The following PANK3 variants were observed in gnomAD, a reference collection of about 807,000 sequenced individuals.
The protein encoded by PANK3 is hPanK3.
Under a neutral mutation model 39.4 loss-of-function variants are expected in PANK3, and 20 were observed. That is an observed-to-expected ratio of 0.51 (90% CI 0.36 to 0.74). PANK3 has a LOEUF of 0.74. PANK3 is among the 30% of genes least tolerant of loss of function. The probability of loss-of-function intolerance (pLI) is 0.00; values close to 1 mark genes in which losing one functional copy is unlikely to be tolerated. For synonymous variants in PANK3, 140 were observed against 157.3 expected, an observed-to-expected ratio of 0.89 and a Z score of 0.82; for missense variants, 265 against 437.0, an observed-to-expected ratio of 0.61 and a Z score of 3.51.
chr5:168,573,892 T>C (rs530322154), intron 1 of PANK3, among the ~76,000 whole-genome samples: 4 of 152,294 alleles, frequency 2.6e-5, no homozygotes, highest in Non-Finnish European at 5.9e-5. Flanking sequence ...GTGTATGTGC[T>C]ACATTTTCTT....
chr5:168,561,606 AT>A, intron 4 of PANK3, 90 bp from the exon 5 acceptor site: 1 of 1,168,552 alleles, frequency 8.6e-7, no homozygotes, highest in Middle Eastern at 2.6e-4. Flanking sequence ...GGATATTTTT[AT>A]AAAATTAGGA....
intron 1 of PANK3, among the ~76,000 whole-genome samples, chr5:168,570,303 T>C (rs1759605843): frequency 6.7e-6 from 1 of 150,068 alleles, no homozygotes; most frequent in Non-Finnish European, 1.5e-5. Flanking sequence ...GAGAATGGCG[T>C]GAACCCGGGA....
rs1295294876 is a variant in PANK3 at position 168,551,564 on chromosome 5, A to G, written c.*6007T>C. ...AATATACAGAGTGGTTATAAAGAAC[A>G]TATGGAAATTACTATCCAGTTAAGC... is the stretch of plus-strand genomic sequence containing the variant. On this transcript the variant is annotated 3_prime_UTR_variant, in exon 7 of 7. Transcript: ENST00000239231. 1.3e-5 allele frequency: 2 copies of G among 152,226 alleles called. No homozygotes were observed. Among genetic ancestry groups the G allele is most frequent in the African/African-American group, 2.4e-5 (1 of 41,462 alleles). 9.4% of individuals were successfully genotyped at this position (152,226 alleles called of 1,614,324 possible).
rs905544197 is a variant in PANK3 at position 168,557,485 on chromosome 5, C to G, written c.*86G>C. ...TATGCTACTCTTTTATCCTTTGGTT[C>G]CCAGTGACAAACAATGCAGTAATAA... On this transcript the variant is annotated 3_prime_UTR_variant, in exon 7 of 7. Transcript: ENST00000239231. 1.7e-6 allele frequency: 2 copies of G among 1,209,634 alleles called. No homozygotes were observed. The highest frequency in any genetic ancestry group is 2.4e-6 in the Non-Finnish European group (2 of 825,328). The allele number at this position is 1,209,634 out of a possible 1,614,324, so 74.9% of individuals were successfully genotyped here.
rs1381232735 is a variant in PANK3, at chr5:168,556,175, G to A, written c.*1396C>T. The A allele has an allele frequency of 1.3e-5, 2 of 152,248 alleles. No individual in the cohort carries two copies. The highest frequency in any genetic ancestry group is 4.8e-5 in the African/African-American group (2 of 41,470). 9.4% of individuals were successfully genotyped at this position (152,248 alleles called of 1,614,324 possible). ...GCAAGGGGAATAGGAAAGAAAGTGC[G>A]AGATAAGAGCATGGTGGCCTCTTGG... On this transcript the variant is annotated 3_prime_UTR_variant, in exon 7 of 7. Coordinates refer to ENST00000239231, the MANE Select transcript of PANK3 (RefSeq NM_024594.4).
intron 5 of PANK3, 65 bp downstream of exon 5, chr5:168,561,328 A>C: frequency 7.2e-7 from 1 of 1,391,980 alleles, no homozygotes; most frequent in Non-Finnish European, 9.6e-7. Flanking sequence ...AAGCCCTGCT[A>C]GGTGTATATA....
intron 2 of PANK3, 43 bp downstream of exon 2, chr5:168,568,602 TA>T (rs780601525): frequency 3.8e-5 from 52 of 1,383,524 alleles, no homozygotes; most frequent in Non-Finnish European, 4.9e-5. Flanking sequence ...CTCTCATATT[TA>T]AAAACAGGTA....
chr5:168,553,218 C>A lies in PANK3; in HGVS notation c.*4353G>T, dbSNP rs543768996. 3 of 506,918 alleles carry A rather than the reference C, an allele frequency of 5.9e-6. No individual in the cohort carries two copies. In the East Asian group the frequency reaches 1.8e-4, roughly 30 times the overall value. The allele number at this position is 506,918 out of a possible 1,614,324, so 31.4% of individuals were successfully genotyped here. A position where few individuals can be genotyped will look rare whatever the true frequency, so the allele number is the denominator to read the frequency against. The stretch of plus-strand genomic sequence containing the variant: ...TGAACTCCAGACCAAAGATCTGGAT[C>A]TCCAGAATACCAACGACGTCCAGCT... On this transcript the variant is annotated 3_prime_UTR_variant, in exon 7 of 7. Transcript: ENST00000239231.
At position 168,563,898 on chromosome 5, in the gene PANK3, ACAGCC is replaced by A; in HGVS notation, c.798_802del (p.Trp266CysfsTer4). On this transcript the variant is annotated frameshift_variant, in exon 4 of 7. Transcript: ENST00000239231. LOFTEE classifies it high-confidence loss of function. ...CAAATGTTAAACTTACCTAGATGCT[ACAGCC>A]CAACCTGGCAAACCAAATCTTTCAT... 6.2e-7 allele frequency: 1 copy of A among 1,606,720 alleles called. No homozygotes were observed. The highest frequency in any genetic ancestry group is 8.5e-7 in the Non-Finnish European group (1 of 1,177,116).
Position 168,557,638 on chromosome 5 carries a change from T to C in PANK3, c.1063-17A>G. The C allele has an allele frequency of 6.2e-7, 1 of 1,609,942 alleles. No individual in the cohort carries two copies. Among genetic ancestry groups the C allele is most frequent in the East Asian group, 2.2e-5 (1 of 44,842 alleles). The stretch of plus-strand genomic sequence containing the variant: ...AAAGTAACCCTGTGTAATTTAAAAA[T>C]AACTGTTATGTAGTACAGCTTTTAA... On this transcript the variant is annotated splice_polypyrimidine_tract_variant and intron_variant, in intron 6 of 6. Coordinates refer to ENST00000239231, the MANE Select transcript of PANK3 (RefSeq NM_024594.4).
chr5:168,577,276 A>G (rs1223042858), intron 1 of PANK3, among the ~76,000 whole-genome samples: 1 of 152,194 alleles, frequency 6.6e-6, no homozygotes, highest in East Asian at 1.9e-4. Flanking sequence ...AACAGACAGT[A>G]AAGTTACCTT....
At chr5:168,571,389 A>G (rs1454686963) in intron 1 of PANK3, among the ~76,000 whole-genome samples, 3 of 152,194 alleles carry the variant, frequency 2.0e-5, no homozygotes, top group Non-Finnish European at 2.9e-5. Context: ...TACCCCCACT[A>G]TAAGATTGCT....
chr5:168,578,951 G>T (rs532935307), intron 1 of PANK3, among the ~76,000 whole-genome samples: 6 of 152,312 alleles, frequency 3.9e-5, no homozygotes, highest in Admixed American at 3.9e-4. Context: ...TTCAGGGGGA[G>T]CTGGGAGAGG....
chr5:168,571,562 G>A (rs977688676), intron 1 of PANK3, among the ~76,000 whole-genome samples: 2 of 152,150 alleles, frequency 1.3e-5, no homozygotes, highest in Non-Finnish European at 2.9e-5. Flanking sequence ...TAATACTCAA[G>A]ATACATGGAT....
rs1759246299 is a variant in PANK3 at position 168,549,719 on chromosome 5, T to C, written c.*7852A>G. ...ATCATTCAGCACAAACTGCGGTACC[T>C]GAAATCCCAGTATCAGCTCATAGTA... On this transcript the variant is annotated 3_prime_UTR_variant, in exon 7 of 7. Transcript: ENST00000239231. 1 of 152,174 alleles carries C rather than the reference T, an allele frequency of 6.6e-6. No homozygotes were observed. Among genetic ancestry groups the C allele is most frequent in the Admixed American group, 6.6e-5 (1 of 15,264 alleles). The allele number at this position is 152,174 out of a possible 1,614,324, so 9.4% of individuals were successfully genotyped here.
In PANK3 at chr5:168,556,003, A is replaced by G. The variant is rs906498786; in HGVS notation, c.*1568T>C. The G allele has an allele frequency of 1.3e-5, 2 of 152,242 alleles. No homozygotes were observed. Among genetic ancestry groups the G allele is most frequent in the Non-Finnish European group, 1.5e-5 (1 of 68,044 alleles). The allele number at this position is 152,242 out of a possible 1,614,324, so 9.4% of individuals were successfully genotyped here. A position where few individuals can be genotyped will look rare whatever the true frequency, so the allele number is the denominator to read the frequency against. On this transcript the variant is annotated 3_prime_UTR_variant, in exon 7 of 7. Transcript: ENST00000239231. ...AACTCATTCCACTATCCCTATGTAC[A>G]TAAATAACATTGCCTCTGCTGAGTG...
intron 1 of PANK3, among the ~76,000 whole-genome samples, chr5:168,571,564 T>C (rs924818736): frequency 5.3e-5 from 8 of 152,226 alleles, no homozygotes; most frequent in African/African-American, 1.9e-4. Context: ...ATACTCAAGA[T>C]ACATGGATTA....
intron 5 of PANK3, among the ~76,000 whole-genome samples, chr5:168,559,695 AT>A (rs1350606818): frequency 6.6e-6 from 1 of 152,176 alleles, no homozygotes; most frequent in African/African-American, 2.4e-5. Flanking sequence ...TACTGATGTG[AT>A]TAAAAAAAAA....
Position 168,566,018 on chromosome 5 carries a change from C to A in PANK3, c.630G>T (p.Gly210=). ...HSKDNYKRVT[G]TSLGGGTFLG... ...ACAACCAAAAAGGTCACTACCTTGT[C>A]CCAGTCACTCGTTTATAGTTGTCTT... The change falls in exon 3 of 7, where the codon GGG becomes GGT. Residue 210 remains glycine (G), a synonymous_variant. Transcript: ENST00000239231. 6.2e-7 allele frequency: 1 copy of A among 1,611,070 alleles called. No individual in the cohort carries two copies. The highest frequency in any genetic ancestry group is 8.5e-7 in the Non-Finnish European group (1 of 1,177,716).
Sources: gnomAD v4.1 joint callset for allele counts (sites outside exome capture counted in the v4.1 genomes callset) on GRCh38, gnomAD v4.1.1 for gene constraint, MANE v1.5 for transcripts, NCBI Gene and HGNC (gene_info 2026-07-23, HGNC 2026-07-21) for gene names.